INSIG2: variants seen among roughly 807,000 people sequenced by gnomAD.
INSIG2 encodes insulin induced gene 2.
INSIG2 carries 10 observed loss-of-function variants against 27.2 expected under a neutral mutation model. The observed-to-expected ratio is 0.37, with a 90% CI of 0.23 to 0.62. The LOEUF (loss-of-function observed/expected upper bound fraction) is 0.62. Ranked by LOEUF, INSIG2 falls within the 20% of genes least tolerant of loss-of-function variation. The pLI is 0.65. For missense variants in INSIG2, 178 were observed against 270.2 expected (o/e 0.66, Z 2.39); for synonymous variants, 97 against 95.8 (o/e 1.01, Z -0.07).
intron 4 of INSIG2, 73 bp downstream of exon 4, chr2:118,106,976 A>C: frequency 6.4e-7 from 1 of 1,559,196 alleles, no homozygotes. Flanking sequence ...CAGAATTGAG[A>C]TTATGAAATG....
chr2:118,106,493 T>C (rs895190147), intron 3 of INSIG2, among the ~76,000 whole-genome samples: 3 of 152,220 alleles, frequency 2.0e-5, no homozygotes, highest in African/African-American at 7.2e-5. Flanking sequence ...GTTTTGTTTT[T>C]TGTTTTGGAG....
In INSIG2 at chr2:118,093,943, A is replaced by AT. The variant is rs1461415638; in HGVS notation, c.-138-2476_-138-2475insT. Among the ~76,000 whole-genome samples the AT allele has an allele frequency of 8.5e-4, 12 of 14,124 alleles. 3 individuals carry two copies. The highest frequency in any genetic ancestry group is 3.6e-3 in the African/African-American group (10 of 2,798). The allele number at this position is 14,124 out of a possible 152,430, so 9.3% of individuals were successfully genotyped here. ...CAACCAGATGATGATGATGATGATG[A>AT]GGAGGAGGAGGAGGAGGAGGAGGAG... is the stretch of plus-strand genomic sequence containing the variant. On this transcript the variant is annotated intron_variant, in intron 1 of 5. Transcript: ENST00000245787.
At position 118,090,800 on chromosome 2, in the gene INSIG2, C is replaced by T. The variant is rs1011878544; in HGVS notation, c.-139+2259C>T. Among the ~76,000 whole-genome samples the T allele has an allele frequency of 2.0e-5, 3 of 152,220 alleles. No individual in the cohort carries two copies. The South Asian group carries it at 6.2e-4, about 31-fold the overall frequency. The stretch of plus-strand genomic sequence containing the variant: ...AAGCAGTGTGGTGAAGCAGGAAGAA[C>T]TCCGGACATGGGGTCAGAGTGGGTG... On this transcript the variant is annotated intron_variant, in intron 1 of 5. Coordinates refer to ENST00000245787, the MANE Select transcript of INSIG2 (RefSeq NM_016133.4).
chr2:118,108,441 C>CGT lies in INSIG2; in HGVS notation c.*126_*127dup, dbSNP rs1678730302. On this transcript the variant is annotated 3_prime_UTR_variant, in exon 6 of 6. Coordinates refer to ENST00000245787, the MANE Select transcript of INSIG2 (RefSeq NM_016133.4). ...AGGATGCAGTTTTCCCCTTGATTGG[C>CGT]GTGTGTGTATATATGGATAAATATA... The CGT allele has an allele frequency of 4.3e-6, 3 of 693,836 alleles. No individual in the cohort carries two copies. Among genetic ancestry groups the CGT allele is most frequent in the South Asian group, 1.7e-5 (1 of 59,500 alleles). 43.0% of individuals were successfully genotyped at this position (693,836 alleles called of 1,614,324 possible).
intron 2 of INSIG2, 68 bp from the exon 3 acceptor site, chr2:118,103,129 T>G (rs1400640988): frequency 7.3e-7 from 1 of 1,367,002 alleles, no homozygotes. Context: ...GTTGTAGTGA[T>G]TCTTTTAGCT....
At chr2:118,104,035 G>A (rs971795583) in intron 3 of INSIG2, among the ~76,000 whole-genome samples, 6 of 151,856 alleles carry the variant, frequency 4.0e-5, no homozygotes, top group African/African-American at 1.5e-4. Context: ...TTCCTCTCTT[G>A]TACTTCCTCC....
chr2:118,104,324 C>G (rs188909822), intron 3 of INSIG2, among the ~76,000 whole-genome samples: 1 of 152,276 alleles, frequency 6.6e-6, no homozygotes, highest in East Asian at 1.9e-4. Flanking sequence ...AGCTTGGGGA[C>G]AGAAACCATA....
At chr2:118,092,576 A>G (rs2630457) in intron 1 of INSIG2, among the ~76,000 whole-genome samples, 1 of 152,188 alleles carries the variant, frequency 6.6e-6, no homozygotes, top group Admixed American at 6.5e-5. Flanking sequence ...AATTCAAGGT[A>G]TAGAGGCAAG....
Position 118,108,153 on chromosome 2 carries a change from G to C in INSIG2, c.637-128G>C, listed in dbSNP as rs1031609051. 2.4e-5 allele frequency: 14 copies of C among 593,060 alleles called. No individual in the cohort carries two copies. In the African/African-American group the frequency reaches 2.4e-4, roughly 10 times the overall value. The allele number at this position is 593,060 out of a possible 1,614,324, so 36.7% of individuals were successfully genotyped here. ...AATCATAGTAATTATGTAACTCTTG[G>C]ATTATTTGAGGAATAAATGGGCACA... On this transcript the variant is annotated intron_variant, in intron 5 of 5. Transcript: ENST00000245787.
At chr2:118,101,516 T>G (rs1384284320) in intron 2 of INSIG2, among the ~76,000 whole-genome samples, 1 of 152,116 alleles carries the variant, frequency 6.6e-6, no homozygotes, top group Admixed American at 6.5e-5. Flanking sequence ...AAAATTGACT[T>G]GGAATGTCTG....
At position 118,109,054 on chromosome 2, in the gene INSIG2, A is replaced by G. The variant is rs1678747047; in HGVS notation, c.*732A>G. The G allele has an allele frequency of 6.6e-6, 1 of 152,234 alleles. No homozygotes were observed. The highest frequency in any genetic ancestry group is 2.4e-5 in the African/African-American group (1 of 41,468). 9.4% of individuals were successfully genotyped at this position (152,234 alleles called of 1,614,324 possible). The stretch of plus-strand genomic sequence containing the variant: ...GTTTTGGTTCTAAATTTGGAACAGT[A>G]TATATAATTAAAAGTAAGGAACATT... On this transcript the variant is annotated 3_prime_UTR_variant, in exon 6 of 6. Coordinates refer to ENST00000245787, the MANE Select transcript of INSIG2 (RefSeq NM_016133.4).
chr2:118,098,526 C>T (rs111565334), intron 2 of INSIG2, among the ~76,000 whole-genome samples: 2,624 of 152,216 alleles, frequency 0.017, 48 homozygotes, highest in Non-Finnish European at 0.023. Flanking sequence ...ACACTTTTCC[C>T]CCTACTCAGG....
intron 1 of INSIG2, among the ~76,000 whole-genome samples, chr2:118,091,914 G>T (rs1005235751): frequency 6.6e-6 from 1 of 152,092 alleles, no homozygotes; most frequent in South Asian, 2.1e-4. Flanking sequence ...TCACAAATAG[G>T]GGAGGGGGCA....
chr2:118,107,243 T>C, intron 5 of INSIG2, 54 bp downstream of exon 5: 1 of 1,269,248 alleles, frequency 7.9e-7, no homozygotes, highest in Non-Finnish European at 1.1e-6. Flanking sequence ...ACAAGTTTTC[T>C]CTAAAAGGCA....
Position 118,096,776 on chromosome 2 carries a change from C to T in INSIG2, c.220C>T (p.Pro74Ser). The change falls in exon 2 of 6, where the codon CCC becomes TCC. Residue 74 changes from proline to serine, a missense_variant. By Grantham distance (74) the Pro-to-Ser change is moderately conservative. Coordinates refer to ENST00000245787, the MANE Select transcript of INSIG2 (RefSeq NM_016133.4). ...ASIFSSAWWVPPCCGTASAVI... is the reference protein window; with the variant it reads ...ASIFSSAWWVSPCCGTASAVI... The stretch of plus-strand genomic sequence containing the variant: ...CATCTTTTCTTCTGCATGGTGGGTA[C>T]CCCCATGCTGTGGCACGGCTTCAGG... The T allele has an allele frequency of 6.2e-7, 1 of 1,613,370 alleles. No individual in the cohort carries two copies.
chr2:118,109,350 A>C lies in INSIG2; in HGVS notation c.*1028A>C, dbSNP rs755844747. 6.6e-6 allele frequency: 1 copy of C among 152,102 alleles called. No homozygotes were observed. The highest frequency in any genetic ancestry group is 1.5e-5 in the Non-Finnish European group (1 of 68,016). 9.4% of individuals were successfully genotyped at this position (152,102 alleles called of 1,614,324 possible). On this transcript the variant is annotated 3_prime_UTR_variant, in exon 6 of 6. Coordinates refer to ENST00000245787, the MANE Select transcript of INSIG2 (RefSeq NM_016133.4). ...GTGGAATGCCTAGGTTTTTCATCTT[A>C]CATGCAGTCTTGGGGGTGGATGAAT...
chr2:118,101,724 G>T (rs921284832), intron 2 of INSIG2, among the ~76,000 whole-genome samples: 1 of 152,156 alleles, frequency 6.6e-6, no homozygotes, highest in Non-Finnish European at 1.5e-5. Context: ...AGTTAATCTT[G>T]TCAGGATTTT....
rs574999075 is a variant in INSIG2 at position 118,094,278 on chromosome 2, C to A, written c.-138-2141C>A. 2.0e-3 allele frequency among the ~76,000 whole-genome samples: 262 copies of A among 133,052 alleles called. 1 individual carries two copies. Among genetic ancestry groups the A allele is most frequent in the Middle Eastern group, 7.9e-3 (2 of 252 alleles). The allele number at this position is 133,052 out of a possible 152,430, so 87.3% of individuals were successfully genotyped here. On this transcript the variant is annotated intron_variant, in intron 1 of 5. Transcript: ENST00000245787. Reference sequence around the variant, plus strand: ...ATGATGATGATGATGAAGGAGAGTTCTGTAGCTACTGAACCTTGCCAAAAG... The same window carrying A: ...ATGATGATGATGATGAAGGAGAGTTATGTAGCTACTGAACCTTGCCAAAAG...
rs1678738266 is a variant in INSIG2, at chr2:118,108,699, A to G, written c.*377A>G. The stretch of plus-strand genomic sequence containing the variant: ...CATGCAGAGTATAAGAATGCTTTGA[A>G]CAATTTGTAGACTTAGTGAAATAAA... On this transcript the variant is annotated 3_prime_UTR_variant, in exon 6 of 6. Coordinates refer to ENST00000245787, the MANE Select transcript of INSIG2 (RefSeq NM_016133.4). 1 of 157,010 alleles carries G rather than the reference A, an allele frequency of 6.4e-6. No homozygotes were observed. Among genetic ancestry groups the G allele is most frequent in the South Asian group, 2.0e-4 (1 of 4,996 alleles). The allele number at this position is 157,010 out of a possible 1,614,324, so 9.7% of individuals were successfully genotyped here. A position where few individuals can be genotyped will look rare whatever the true frequency, so the allele number is the denominator to read the frequency against.
Sources: allele counts gnomAD v4.1 joint callset (sites outside exome capture counted in the v4.1 genomes callset), GRCh38; gene constraint gnomAD v4.1.1; transcripts MANE v1.5; gene names NCBI Gene and HGNC (gene_info 2026-07-23, HGNC 2026-07-21).